Variants in PTK2 observed in about 807,000 individuals in gnomAD.
The protein encoded by PTK2 is focal adhesion kinase 1.
In PTK2, 45 loss-of-function variants were observed where a neutral mutation model predicts 150.1. The observed-to-expected ratio is 0.30, with a 90% CI of 0.24 to 0.38. The LOEUF is 0.38. PTK2 is among the 10% of genes least tolerant of loss of function. PTK2 has a pLI of 1.00. For synonymous variants in PTK2, 432 were observed against 449.2 expected (o/e 0.96, Z 0.48); for missense variants, 919 against 1,307.3 (o/e 0.70, Z 4.58).
intron 1 of PTK2, among the ~76,000 whole-genome samples, chr8:140,951,046 T>C (rs2100179399): frequency 1.3e-5 from 2 of 152,220 alleles, no homozygotes; most frequent in Admixed American, 6.5e-5. Context: ...CATCTGCCCA[T>C]ATGCTATAAA....
intron 5 of PTK2, among the ~76,000 whole-genome samples, chr8:140,863,767 T>C (rs2100137652): frequency 6.6e-6 from 1 of 152,252 alleles, no homozygotes; most frequent in Non-Finnish European, 1.5e-5. Flanking sequence ...GTGTGGATTA[T>C]GCGATTTATT....
chr8:140,844,180 T>C (rs1378545141), intron 7 of PTK2, among the ~76,000 whole-genome samples: 1 of 152,220 alleles, frequency 6.6e-6, no homozygotes, highest in African/African-American at 2.4e-5. Flanking sequence ...ACATTATGGT[T>C]GCACACTATC....
At chr8:140,701,087 T>G in intron 25 of PTK2, 65 bp from the exon 29 acceptor site, 1 of 1,486,858 alleles carries the variant, frequency 6.7e-7, no homozygotes, top group African/African-American at 1.4e-5. Context: ...CTTACCTTGT[T>G]TTATGTGTCT....
intron 2 of PTK2, among the ~76,000 whole-genome samples, chr8:140,910,986 T>C (rs927223602): frequency 8.6e-5 from 13 of 151,548 alleles, no homozygotes; most frequent in African/African-American, 2.9e-4. Context: ...CAAGCAATTC[T>C]CCCACCTCAG....
intron 26 of PTK2, among the ~76,000 whole-genome samples, chr8:140,693,240 A>G (rs1029773047): frequency 6.6e-6 from 1 of 152,156 alleles, no homozygotes; most frequent in Non-Finnish European, 1.5e-5. Flanking sequence ...AAAGGACAGT[A>G]TCTGATCTGG....
chr8:140,894,649 T>C (rs1321257181), intron 2 of PTK2, among the ~76,000 whole-genome samples: 1 of 152,216 alleles, frequency 6.6e-6, no homozygotes, highest in Non-Finnish European at 1.5e-5. Flanking sequence ...GGCCACAGTA[T>C]ACCTTTTGAA....
chr8:140,892,319 G>A (rs561685321), intron 2 of PTK2, among the ~76,000 whole-genome samples: 1 of 152,302 alleles, frequency 6.6e-6, no homozygotes, highest in East Asian at 1.9e-4. Context: ...CAGATTGCTT[G>A]AGCCCAAAGG....
intron 3 of PTK2, among the ~76,000 whole-genome samples, chr8:140,885,964 A>T (rs950970672): frequency 5.9e-5 from 9 of 152,166 alleles, no homozygotes; most frequent in Admixed American, 2.0e-4. Flanking sequence ...GAGAGCAAGT[A>T]GGGAAACAAG....
At chr8:140,688,365 G>C (rs546428017) in intron 26 of PTK2, among the ~76,000 whole-genome samples, 1 of 151,996 alleles carries the variant, frequency 6.6e-6, no homozygotes, top group Admixed American at 6.6e-5. Flanking sequence ...TCCCTTTCAC[G>C]TAAAAATATT....
chr8:140,662,296 CAA>C (rs575384587), intron 31 of PTK2, among the ~76,000 whole-genome samples: 1 of 124,616 alleles, frequency 8.0e-6, no homozygotes. Flanking sequence ...GACCCTGTCT[CAA>C]AAAAAAAAAA....
intron 8 of PTK2, chr8:140,822,020 G>C (rs2100108904): frequency 6.6e-6 from 1 of 152,190 alleles, no homozygotes; most frequent in African/African-American, 2.4e-5. Context: ...CTCTACAACA[G>C]AGCATGCAGA....
chr8:141,001,183 G>T, exon 1 of PTK2: 1 of 150,704 alleles, frequency 6.6e-6, no homozygotes, highest in South Asian at 1.9e-4. Context: ...GGCGCTGGGC[G>T]ACAGCAGCCG....
intron 7 of PTK2, among the ~76,000 whole-genome samples, chr8:140,842,709 G>C (rs1364373654): frequency 6.6e-6 from 1 of 152,076 alleles, no homozygotes; most frequent in Non-Finnish European, 1.5e-5. Flanking sequence ...TAACTGCAAC[G>C]AATCACTACA....
At chr8:140,928,730 G>A (rs976651190) in intron 1 of PTK2, among the ~76,000 whole-genome samples, 1 of 152,100 alleles carries the variant, frequency 6.6e-6, no homozygotes, top group African/African-American at 2.4e-5. Flanking sequence ...CATATCGAAT[G>A]TAGTCAAATT....
At chr8:140,825,440 T>C (rs1157753348) in intron 8 of PTK2, among the ~76,000 whole-genome samples, 1 of 152,220 alleles carries the variant, frequency 6.6e-6, no homozygotes, top group Non-Finnish European at 1.5e-5. Flanking sequence ...GGTAGTATTC[T>C]AGGAAACCAC....
intron 4 of PTK2, chr8:140,879,182 T>C (rs375511765): frequency 6.6e-5 from 16 of 244,160 alleles, no homozygotes; most frequent in East Asian, 5.3e-4. Context: ...TTGAGTTTTA[T>C]TGGGAGCAAA....
intron 1 of PTK2, among the ~76,000 whole-genome samples, chr8:140,957,383 A>G (rs1411019690): frequency 1.3e-5 from 2 of 152,226 alleles, no homozygotes; most frequent in Admixed American, 1.3e-4. Flanking sequence ...CTGCTGTACA[A>G]TGTGCCTCTG....
intron 1 of PTK2, among the ~76,000 whole-genome samples, chr8:140,957,291 G>C (rs1225375759): frequency 6.6e-6 from 1 of 152,030 alleles, no homozygotes; most frequent in Non-Finnish European, 1.5e-5. Context: ...AGCTGGGCAT[G>C]GTGGCACACG....
At chr8:140,661,222 C>G (rs911237949) in intron 31 of PTK2, among the ~76,000 whole-genome samples, 2 of 152,150 alleles carry the variant, frequency 1.3e-5, no homozygotes, top group African/African-American at 2.4e-5. Context: ...ATGACAAAAT[C>G]TAGAGAGATA....
Sources: gnomAD v4.1 joint callset for allele counts (sites outside exome capture counted in the v4.1 genomes callset) on GRCh38, gnomAD v4.1.1 for gene constraint, MANE v1.5 for transcripts, NCBI Gene and HGNC (gene_info 2026-07-23, HGNC 2026-07-21) for gene names.